Variants in CAST observed in about 807,000 individuals in gnomAD.
The protein encoded by CAST is MIR583 host.
In CAST, 76 loss-of-function variants were observed where a neutral mutation model predicts 119.6. The observed-to-expected ratio is 0.64, with a 90% CI of 0.53 to 0.77. The LOEUF (loss-of-function observed/expected upper bound fraction) is 0.77, where lower values mean the gene tolerates loss of function less well. CAST is among the 30% of genes least tolerant of loss of function. CAST has a pLI of 0.00. For synonymous variants in CAST, 319 were observed against 331.6 expected (o/e 0.96, Z 0.41); for missense variants, 953 against 946.5 (o/e 1.01, Z -0.09).
intron 2 of CAST, among the ~76,000 whole-genome samples, chr5:96,695,325 G>A (rs1000222390): frequency 6.6e-6 from 1 of 151,932 alleles, no homozygotes; most frequent in Non-Finnish European, 1.5e-5. Flanking sequence ...TAATTACCTG[G>A]CACACCATAG....
chr5:96,091,801 G>A, the CAST span, among the ~76,000 whole-genome samples: 1 of 152,108 alleles, frequency 6.6e-6, no homozygotes, highest in Non-Finnish European at 1.5e-5. Flanking sequence ...ATCGTACCTG[G>A]CCCTGAATCT....
At chr5:96,311,658 C>T in the CAST span, among the ~76,000 whole-genome samples, 1 of 151,906 alleles carries the variant, frequency 6.6e-6, no homozygotes, top group Non-Finnish European at 1.5e-5. Context: ...CACATAATAT[C>T]CTTCTTTGTC....
chr5:96,482,305 T>C, the CAST span, among the ~76,000 whole-genome samples: 9 of 151,724 alleles, frequency 5.9e-5, no homozygotes, highest in African/African-American at 1.9e-4. Context: ...TTAGTTGCCA[T>C]GAAACTGAAG....
At chr5:96,459,403 T>C in the CAST span, among the ~76,000 whole-genome samples, 1 of 152,086 alleles carries the variant, frequency 6.6e-6, no homozygotes, top group African/African-American at 2.4e-5. Context: ...TTAGGTAAAG[T>C]CCCTGTCAAA....
the CAST span, among the ~76,000 whole-genome samples, chr5:96,477,295 C>T: frequency 7.1e-6 from 1 of 140,072 alleles, no homozygotes; most frequent in Non-Finnish European, 1.5e-5. Flanking sequence ...GAGATATATG[C>T]ACGCACGCGT....
chr5:96,451,734 A>G, the CAST span, among the ~76,000 whole-genome samples: 1 of 152,220 alleles, frequency 6.6e-6, no homozygotes, highest in East Asian at 1.9e-4. Flanking sequence ...AAATTTTTTC[A>G]GTCTATCCAT....
At chr5:96,376,671 C>T in the CAST span, among the ~76,000 whole-genome samples, 16 of 152,310 alleles carry the variant, frequency 1.1e-4, no homozygotes, top group Non-Finnish European at 2.4e-4. Flanking sequence ...GAACTCTTGA[C>T]CTCAAGTGAT....
At chr5:96,522,743 T>C (rs1167010807), upstream of CAST, among the ~76,000 whole-genome samples, 2 of 152,192 alleles carry the variant, frequency 1.3e-5, no homozygotes, top group African/African-American at 4.8e-5. Flanking sequence ...CAATCAGCCC[T>C]GCACTGCCTG....
chr5:96,453,415 A>G, the CAST span, among the ~76,000 whole-genome samples: 1 of 152,238 alleles, frequency 6.6e-6, no homozygotes, highest in South Asian at 2.1e-4. Context: ...TAATGCTTCT[A>G]GAGAAGACTG....
the CAST span, among the ~76,000 whole-genome samples, chr5:96,091,765 A>G: frequency 1.3e-5 from 2 of 152,038 alleles, no homozygotes; most frequent in Non-Finnish European, 2.9e-5. Flanking sequence ...CAGCCTCCCA[A>G]AGTGCTGGGA....
At chr5:96,651,606 G>A (rs1249804194) in intron 1 of CAST, among the ~76,000 whole-genome samples, 2 of 152,150 alleles carry the variant, frequency 1.3e-5, no homozygotes, top group African/African-American at 4.8e-5. Context: ...GGTTCTAACT[G>A]CAATCTGTAA....
intron 6 of CAST, among the ~76,000 whole-genome samples, chr5:96,727,932 T>C (rs566366482): frequency 6.6e-6 from 1 of 152,250 alleles, no homozygotes; most frequent in South Asian, 2.1e-4. Flanking sequence ...CCTAGATGGC[T>C]TAGGGATGAG....
chr5:96,321,484 A>G, the CAST span, among the ~76,000 whole-genome samples: 1 of 152,228 alleles, frequency 6.6e-6, no homozygotes, highest in East Asian at 1.9e-4. Flanking sequence ...AATAATTGGC[A>G]AAGTGTGTCT....
At chr5:96,294,852 G>A in the CAST span, among the ~76,000 whole-genome samples, 2 of 152,310 alleles carry the variant, frequency 1.3e-5, no homozygotes, top group African/African-American at 4.8e-5. Flanking sequence ...TTTTCATCCT[G>A]TATTGAAATG....
At chr5:95,972,265 G>C in the CAST span, among the ~76,000 whole-genome samples, 3 of 152,148 alleles carry the variant, frequency 2.0e-5, no homozygotes, top group Non-Finnish European at 4.4e-5. Context: ...GAATACTTAA[G>C]AGTGGGATTA....
chr5:96,712,079 G>A (rs1756278716), intron 3 of CAST, among the ~76,000 whole-genome samples: 1 of 152,210 alleles, frequency 6.6e-6, no homozygotes, highest in Admixed American at 6.5e-5. Flanking sequence ...ATAAGCAGCA[G>A]TGCTCATATA....
the CAST span, among the ~76,000 whole-genome samples, chr5:96,044,836 TG>T: frequency 6.6e-6 from 1 of 152,184 alleles, no homozygotes; most frequent in Non-Finnish European, 1.5e-5. Flanking sequence ...GACTGTTGTG[TG>T]CTACACAGAT....
the CAST span, among the ~76,000 whole-genome samples, chr5:96,310,085 T>C: frequency 6.6e-6 from 1 of 152,228 alleles, no homozygotes; most frequent in South Asian, 2.1e-4. Flanking sequence ...ATCTTTACTG[T>C]GTTGAATTAC....
At chr5:96,146,001 C>T in the CAST span, among the ~76,000 whole-genome samples, 1 of 152,146 alleles carries the variant, frequency 6.6e-6, no homozygotes, top group Admixed American at 6.5e-5. Context: ...TGGAAGCTGC[C>T]AGTCCTCTTA....
Sources: gnomAD v4.1 joint callset for allele counts (sites outside exome capture counted in the v4.1 genomes callset) on GRCh38, gnomAD v4.1.1 for gene constraint, MANE v1.5 for transcripts, NCBI Gene and HGNC (gene_info 2026-07-23, HGNC 2026-07-21) for gene names.